Variants in KIAA1217 observed in about 807,000 individuals in gnomAD.
The protein encoded by KIAA1217 is KIAA1217.
In KIAA1217, 88 loss-of-function variants were observed where a neutral mutation model predicts 163.9. The observed-to-expected ratio is 0.54, with a 90% CI of 0.45 to 0.64. The LOEUF is 0.64. Ranked by LOEUF, KIAA1217 falls within the 30% of genes least tolerant of loss-of-function variation. The probability of loss-of-function intolerance (pLI) is 0.00; values close to 1 mark genes in which losing one functional copy is unlikely to be tolerated. For missense variants in KIAA1217, 2,372 were observed against 2,475.0 expected (o/e 0.96, Z 0.88); for synonymous variants, 903 against 923.1 (o/e 0.98, Z 0.39).
rs557810218 is a variant in KIAA1217, at chr10:24,007,661, T to C, written c.-171+287T>C. Among the ~76,000 whole-genome samples, 13 of 152,300 alleles carry C rather than the reference T, an allele frequency of 8.5e-5. No individual in the cohort carries two copies. The South Asian group carries it at 1.0e-3, about 12-fold the overall frequency. The stretch of plus-strand genomic sequence containing the variant: ...TTAGATCCATTTATATGCCTGTCTT[T>C]GTGTTCAGACTCTGGCTCAAAGCCA... On this transcript the variant is annotated intron_variant, in intron 2 of 18. Coordinates refer to the KIAA1217 transcript ENST00000376462.
At chr10:24,542,439 C>A in intron 17 of KIAA1217, 3 of 1,144,998 alleles carry the variant, frequency 2.6e-6, no homozygotes, top group Non-Finnish European at 3.5e-6. Flanking sequence ...TTCTTCACCA[C>A]TCCCCTACAA....
chr10:23,719,773 C>G (rs1837766494), intron 1 of KIAA1217, among the ~76,000 whole-genome samples: 2 of 151,626 alleles, frequency 1.3e-5, no homozygotes, highest in Non-Finnish European at 2.9e-5. Context: ...AAAAAATTAG[C>G]TGGGAGTAGT....
intron 2 of KIAA1217, among the ~76,000 whole-genome samples, chr10:24,224,447 T>A (rs2070164207): frequency 6.6e-6 from 1 of 151,972 alleles, no homozygotes; most frequent in Admixed American, 6.6e-5. Context: ...TAAGCCATTC[T>A]TGTGCCTCAA....
Position 24,495,177 on chromosome 10 carries a change from G to A in KIAA1217, c.1815G>A (p.Arg605=). The change falls in exon 8 of 21, where the codon AGG becomes AGA. Residue 605 remains arginine, a synonymous_variant. Transcript: ENST00000376454. ...AAATGATGAAAACCACAGCCAACAG[G>A]AACCACACAGATAGTGCAGGTAAGT... ...SEKMMKTTAN[R]NHTDSAGTPH... is the part of the protein sequence containing the mutation. 6.2e-7 allele frequency: 1 copy of A among 1,613,494 alleles called. No individual in the cohort carries two copies. Among genetic ancestry groups the A allele is most frequent in the Admixed American group, 1.7e-5 (1 of 59,926 alleles).
chr10:23,908,140 G>C (rs1272971333), intron 1 of KIAA1217, among the ~76,000 whole-genome samples: 2 of 152,128 alleles, frequency 1.3e-5, no homozygotes, highest in African/African-American at 4.8e-5. Context: ...AGGGAGGCAA[G>C]TGTAATTACA....
intron 1 of KIAA1217, among the ~76,000 whole-genome samples, chr10:23,855,060 A>G (rs1329014764): frequency 6.6e-6 from 1 of 152,092 alleles, no homozygotes; most frequent in African/African-American, 2.4e-5. Flanking sequence ...TGTCATTATG[A>G]TGTTAGCTGG....
chr10:24,473,078 A>T, intron 5 of KIAA1217, 150 bp from the exon 6 acceptor site: 1 of 551,408 alleles, frequency 1.8e-6, no homozygotes, highest in Non-Finnish European at 3.1e-6. Flanking sequence ...CCATCTGCAA[A>T]GTCTCTTTTG....
In KIAA1217 at chr10:24,543,943, G is replaced by T. The variant is rs2075404378; in HGVS notation, c.4673G>T (p.Gly1558Val). Reference protein sequence around the residue: ...HVDSPNSECKGEDATDDQFES... With the variant: ...HVDSPNSECKVEDATDDQFES... Reference sequence around the variant, plus strand: ...GATTCTCCAAATTCGGAATGCAAGGGTGAGGACGCGACCGATGACCAGTTT... The same window carrying T: ...GATTCTCCAAATTCGGAATGCAAGGTTGAGGACGCGACCGATGACCAGTTT... Residue 1558 changes from glycine to valine, a missense_variant, in exon 19 of 21, where the codon GGT (glycine) becomes GTT (valine). Around this residue, in one of 3 missense-constraint regions of KIAA1217, gnomAD observed 690 missense variants for 677.5 expected, o/e 1.02. Transcript: ENST00000376454. The T allele has an allele frequency of 6.2e-7, 1 of 1,614,040 alleles. No homozygotes were observed. Among genetic ancestry groups the T allele is most frequent in the African/African-American group, 1.3e-5 (1 of 75,002 alleles).
At position 24,473,861 on chromosome 10, in the gene KIAA1217, G is replaced by A. The variant is rs150047311; in HGVS notation, c.1480G>A (p.Gly494Ser). ...IDMHAHYNAHGPPHTMQPDRA... is the reference protein window; with the variant it reads ...IDMHAHYNAHSPPHTMQPDRA... ...CATGCACGCTCACTATAATGCCCACGGCCCCCCTCACACCATGCAGCCAGA... is the reference window on the plus strand; with the variant it reads ...CATGCACGCTCACTATAATGCCCACAGCCCCCCTCACACCATGCAGCCAGA... The change falls in exon 6 of 21, where the codon GGC (glycine) becomes AGC (serine). Residue 494 changes from glycine to serine, a missense_variant. Physicochemically the swap from Gly to Ser is moderately conservative, Grantham distance 56. Coordinates refer to ENST00000376454, the MANE Select transcript of KIAA1217 (RefSeq NM_019590.5). 115 of 1,614,036 alleles carry A rather than the reference G, an allele frequency of 7.1e-5. No homozygotes were observed. Among genetic ancestry groups the A allele is most frequent in the East Asian group, 8.9e-5 (4 of 44,844 alleles).
At chr10:23,877,847 G>A (rs1308261044) in intron 1 of KIAA1217, among the ~76,000 whole-genome samples, 4 of 151,936 alleles carry the variant, frequency 2.6e-5, no homozygotes, top group African/African-American at 4.8e-5. Context: ...ATATTGTGAT[G>A]CCAACGTTCG....
chr10:24,519,561 G>T (rs1447594188), intron 10 of KIAA1217, among the ~76,000 whole-genome samples: 2 of 152,074 alleles, frequency 1.3e-5, no homozygotes, highest in African/African-American at 2.4e-5. Context: ...TCACAAGCTG[G>T]GGTAGGCAAG....
At chr10:24,096,687 T>C (rs1020032088) in intron 2 of KIAA1217, among the ~76,000 whole-genome samples, 2 of 152,166 alleles carry the variant, frequency 1.3e-5, no homozygotes, top group Non-Finnish European at 2.9e-5. Context: ...ATGTGCTGTG[T>C]TCCTCACCTG....
intron 2 of KIAA1217, among the ~76,000 whole-genome samples, chr10:24,094,806 C>G (rs1359814873): frequency 6.6e-6 from 1 of 152,226 alleles, no homozygotes; most frequent in Admixed American, 6.5e-5. Flanking sequence ...TTACTGCTGT[C>G]TTTTTGTTTG....
In KIAA1217 at chr10:24,522,139, C is replaced by T. The variant is rs368203177; in HGVS notation, c.2456+210C>T. On this transcript the variant is annotated intron_variant, in intron 12 of 20. Coordinates refer to ENST00000376454, the MANE Select transcript of KIAA1217 (RefSeq NM_019590.5). ...CAACACAGGATTGCTAGGTGGAGCCCATCCTAGGGTTTAAAATTAATAGAC... is the reference window on the plus strand; with the variant it reads ...CAACACAGGATTGCTAGGTGGAGCCTATCCTAGGGTTTAAAATTAATAGAC... Among the ~76,000 whole-genome samples the T allele has an allele frequency of 7.2e-5, 11 of 152,092 alleles. No individual in the cohort carries two copies. In the East Asian group the frequency reaches 1.3e-3, roughly 19 times the overall value.
intron 2 of KIAA1217, among the ~76,000 whole-genome samples, chr10:24,060,919 G>C (rs570898335): frequency 6.6e-6 from 1 of 152,146 alleles, no homozygotes; most frequent in Non-Finnish European, 1.5e-5. Flanking sequence ...TGTGTATTCT[G>C]CTGCTATTGT....
chr10:23,947,412 A>T (rs569083411), intron 1 of KIAA1217, among the ~76,000 whole-genome samples: 11 of 152,232 alleles, frequency 7.2e-5, no homozygotes, highest in African/African-American at 2.7e-4. Context: ...TTGACTTGCA[A>T]TTGGAGTAAT....
chr10:23,784,028 A>G (rs893692354), intron 1 of KIAA1217, among the ~76,000 whole-genome samples: 4 of 150,078 alleles, frequency 2.7e-5, no homozygotes, highest in African/African-American at 7.3e-5. Context: ...TGCATTTTTT[A>G]TACTCTAATG....
chr10:23,892,468 C>T (rs771731239), intron 1 of KIAA1217, among the ~76,000 whole-genome samples: 7 of 151,864 alleles, frequency 4.6e-5, no homozygotes, highest in South Asian at 2.1e-4. Flanking sequence ...TTTGGTTTGG[C>T]CAGTGAGTCA....
intron 1 of KIAA1217, among the ~76,000 whole-genome samples, chr10:23,921,570 C>T (rs529385491): frequency 6.6e-6 from 1 of 152,222 alleles, no homozygotes; most frequent in South Asian, 2.1e-4. Flanking sequence ...AATGAGAATC[C>T]AATCAGTAGA....
Sources: allele counts gnomAD v4.1 joint callset (sites outside exome capture counted in the v4.1 genomes callset), GRCh38; gene constraint gnomAD v4.1.1; regional missense constraint gnomAD v4.1.1; transcripts MANE v1.5; gene names NCBI Gene and HGNC (gene_info 2026-07-23, HGNC 2026-07-21).